The following CACNA1C variants were observed in gnomAD, a reference collection of about 807,000 sequenced individuals.
The protein encoded by CACNA1C is calcium voltage-gated channel subunit alpha1 C, also known as voltage-dependent L-type calcium channel subunit alpha-1C.
CACNA1C carries 30 observed loss-of-function variants against 229.0 expected under a neutral mutation model. The ratio of observed to expected loss-of-function variants is 0.13; its 90% CI spans 0.10 to 0.18. The LOEUF is 0.18. Ranked by LOEUF, CACNA1C falls within the 10% of genes least tolerant of loss-of-function variation. The pLI, the probability that CACNA1C is intolerant of heterozygous loss-of-function variation, is 1.00. For missense variants in CACNA1C, 1,658 were observed against 2,845.0 expected, an observed-to-expected ratio of 0.58 and a Z score of 9.49; for synonymous variants, 1,114 against 1,132.5, an observed-to-expected ratio of 0.98 and a Z score of 0.33.
chr12:2,188,595 AAAAAAT>A (rs1399952044), intron 3 of CACNA1C, among the ~76,000 whole-genome samples: 8 of 152,194 alleles, frequency 5.3e-5, no homozygotes, highest in African/African-American at 1.2e-4. Context: ...AGAGAGAGAG[AAAAAAT>A]AAAAATAAAA....
chr12:2,336,676 C>G (rs1167214976), intron 3 of CACNA1C, among the ~76,000 whole-genome samples: 1 of 152,200 alleles, frequency 6.6e-6, no homozygotes, highest in Non-Finnish European at 1.5e-5. Flanking sequence ...ATTCTCAGCT[C>G]ACACCCAGGG....
Position 2,073,829 on chromosome 12 carries a change from T to A in CACNA1C, c.49+20218T>A, listed in dbSNP as rs2062202489. 2.0e-5 allele frequency among the ~76,000 whole-genome samples: 3 copies of A among 152,140 alleles called. No individual in the cohort carries two copies. In the South Asian group the frequency reaches 6.2e-4, roughly 32 times the overall value. On this transcript the variant is annotated intron_variant, in intron 1 of 46. Transcript: ENST00000399655. Reference sequence around the variant, plus strand: ...GCCCAGCCTATGACTTCCAGTTAAATCCGGCAAAGGAGAAATCTAAGATGA... The same window carrying A: ...GCCCAGCCTATGACTTCCAGTTAAAACCGGCAAAGGAGAAATCTAAGATGA...
intron 3 of CACNA1C, among the ~76,000 whole-genome samples, chr12:2,356,825 CA>C (rs1401100706): frequency 6.6e-6 from 1 of 152,258 alleles, no homozygotes; most frequent in Non-Finnish European, 1.5e-5. Context: ...CCCTCCCCTC[CA>C]CCTGCATTCC....
intron 1 of CACNA1C, among the ~76,000 whole-genome samples, chr12:2,074,666 A>T (rs548712537): frequency 6.6e-6 from 1 of 152,148 alleles, no homozygotes; most frequent in Non-Finnish European, 1.5e-5. Context: ...CCTGCTGAAG[A>T]TGTTGCCCTT....
chr12:2,432,160 A>G (rs148281352), intron 3 of CACNA1C, among the ~76,000 whole-genome samples: 237 of 152,362 alleles, frequency 1.6e-3, no homozygotes, highest in African/African-American at 5.6e-3. Flanking sequence ...GCTTGCAGCA[A>G]ACACTTTTTA....
At chr12:2,565,384 G>A (rs867814815) in intron 11 of CACNA1C, among the ~76,000 whole-genome samples, 54 of 151,450 alleles carry the variant, frequency 3.6e-4, no homozygotes, top group South Asian at 8.4e-4. Flanking sequence ...GGAGAATGGC[G>A]TGAACCCGGG....
chr12:2,000,138 A>G (rs1207700872), intron 1 of CACNA1C, among the ~76,000 whole-genome samples: 1 of 152,196 alleles, frequency 6.6e-6, no homozygotes, highest in African/African-American at 2.4e-5. Flanking sequence ...GGCTGTCCCT[A>G]AAGTTTAACT....
chr12:2,061,185 G>C (rs189709124), intron 1 of CACNA1C, among the ~76,000 whole-genome samples: 26 of 148,368 alleles, frequency 1.8e-4, no homozygotes, highest in African/African-American at 6.3e-4. Context: ...AATTCACTTC[G>C]CAGGGCAGCT....
intron 3 of CACNA1C, among the ~76,000 whole-genome samples, chr12:2,334,318 C>G (rs908904452): frequency 1.3e-5 from 2 of 152,190 alleles, no homozygotes; most frequent in East Asian, 3.9e-4. Context: ...TCTACTGGAA[C>G]TGAGGAGAGA....
Position 2,094,752 on chromosome 12 carries a change from G to A in CACNA1C, c.50-20472G>A, listed in dbSNP as rs537127308. Among the ~76,000 whole-genome samples, 4 of 152,292 alleles carry A rather than the reference G, an allele frequency of 2.6e-5. No individual in the cohort carries two copies. The East Asian group carries it at 7.7e-4, about 29-fold the overall frequency. On this transcript the variant is annotated intron_variant, in intron 1 of 46. Coordinates refer to ENST00000399655, the MANE Select transcript of CACNA1C (RefSeq NM_000719.7). The stretch of plus-strand genomic sequence containing the variant: ...GGAGAGCCGACCAGGAAGTGGGAGT[G>A]GCTGGGACTGTCTGTGCTTCAGGGG...
At chr12:1,998,223 CA>C (rs770926102) in intron 1 of CACNA1C, among the ~76,000 whole-genome samples, 2 of 152,170 alleles carry the variant, frequency 1.3e-5, no homozygotes, top group Non-Finnish European at 2.9e-5. Context: ...CTCTCTTTAC[CA>C]AATACAGGGA....
chr12:2,107,129 C>T (rs1294213658), intron 1 of CACNA1C, among the ~76,000 whole-genome samples: 48 of 128,616 alleles, frequency 3.7e-4, no homozygotes, highest in African/African-American at 1.3e-3. Context: ...GTGCCCACCC[C>T]GGGGAGGGTT....
At chr12:2,230,609 G>T (rs565716151) in intron 3 of CACNA1C, among the ~76,000 whole-genome samples, 75 of 152,346 alleles carry the variant, frequency 4.9e-4, no homozygotes, top group Non-Finnish European at 9.0e-4. Flanking sequence ...TGCTGACCGG[G>T]CTCTTCCCGC....
intron 1 of CACNA1C, among the ~76,000 whole-genome samples, chr12:2,023,973 C>A (rs1435848626): frequency 2.0e-5 from 3 of 152,186 alleles, no homozygotes; most frequent in Non-Finnish European, 1.5e-5. Context: ...CTAGTTTAAT[C>A]TTCCCAGATT....
upstream of CACNA1C, among the ~76,000 whole-genome samples, chr12:2,051,673 G>C (rs145472532): frequency 6.6e-5 from 10 of 152,294 alleles, no homozygotes; most frequent in African/African-American, 2.4e-4. Context: ...AATGATGAGA[G>C]AAAGGAGTCA....
At chr12:2,036,642 T>A (rs903239724) in intron 1 of CACNA1C, among the ~76,000 whole-genome samples, 1 of 152,134 alleles carries the variant, frequency 6.6e-6, no homozygotes, top group Non-Finnish European at 1.5e-5. Flanking sequence ...ATTTTTGTCT[T>A]TTTAGTAGAG....
rs1199305156 is a variant in CACNA1C, at chr12:2,557,664, A to G, written c.1508+687A>G. 3.3e-5 allele frequency among the ~76,000 whole-genome samples: 5 copies of G among 152,266 alleles called. No homozygotes were observed. In the East Asian group the frequency reaches 9.7e-4, roughly 29 times the overall value. On this transcript the variant is annotated intron_variant, in intron 11 of 46. Coordinates refer to ENST00000399655, the MANE Select transcript of CACNA1C (RefSeq NM_000719.7). ...CCTCAGATGTGACTGCTTCCGTGTT[A>G]CTGCTTTCTCTGCCATTTCACTGGG...
At chr12:2,232,986 C>A (rs2065923196) in intron 3 of CACNA1C, among the ~76,000 whole-genome samples, 1 of 152,186 alleles carries the variant, frequency 6.6e-6, no homozygotes, top group Non-Finnish European at 1.5e-5. Context: ...CCAGGCACAT[C>A]TTTTATTTCC....
At chr12:2,329,327 C>G (rs1418133497) in intron 3 of CACNA1C, among the ~76,000 whole-genome samples, 1 of 152,222 alleles carries the variant, frequency 6.6e-6, no homozygotes, top group Admixed American at 6.5e-5. Context: ...ACATGGAACT[C>G]TGTAATGCAT....
Sources: allele counts gnomAD v4.1 joint callset (sites outside exome capture counted in the v4.1 genomes callset), GRCh38; gene constraint gnomAD v4.1.1; transcripts MANE v1.5; gene names NCBI Gene and HGNC (gene_info 2026-07-23, HGNC 2026-07-21).